Variants in LDLRAD3 observed in about 807,000 individuals in gnomAD.
LDLRAD3 encodes the protein low-density lipoprotein receptor class A domain-containing protein 3.
Under a neutral mutation model 29.4 loss-of-function variants are expected in LDLRAD3, and 20 were observed. The ratio of observed to expected loss-of-function variants is 0.68; its 90% confidence interval spans 0.48 to 0.99. The LOEUF is 0.99. Among genes scored for constraint, LDLRAD3 ranks in the 50% least tolerant of loss-of-function variants. LDLRAD3 has a pLI of 0.00. For synonymous variants in LDLRAD3, 157 were observed against 192.7 expected, an observed-to-expected ratio of 0.81 and a Z score of 1.53; for missense variants, 420 against 454.3, an observed-to-expected ratio of 0.92 and a Z score of 0.69.
intron 4 of LDLRAD3, among the ~76,000 whole-genome samples, chr11:36,132,620 G>C (rs1246010141): frequency 6.6e-6 from 1 of 152,200 alleles, no homozygotes; most frequent in Non-Finnish European, 1.5e-5. Context: ...AAATTGTTCA[G>C]GACTCAGAAG....
intron 2 of LDLRAD3, among the ~76,000 whole-genome samples, chr11:36,071,379 C>A (rs184051826): frequency 2.0e-5 from 3 of 152,266 alleles, no homozygotes; most frequent in East Asian, 3.9e-4. Flanking sequence ...GTAAAGCATG[C>A]ATGTCCTTTG....
At chr11:36,017,647 G>T (rs1852040580) in intron 1 of LDLRAD3, among the ~76,000 whole-genome samples, 1 of 151,162 alleles carries the variant, frequency 6.6e-6, no homozygotes, top group African/African-American at 2.4e-5. Flanking sequence ...GAGTGCCTCA[G>T]CCTCCCGAGT....
chr11:36,064,308 TA>T (rs1340152728), intron 2 of LDLRAD3, among the ~76,000 whole-genome samples: 1 of 152,002 alleles, frequency 6.6e-6, no homozygotes, highest in Non-Finnish European at 1.5e-5. Flanking sequence ...TAGTTTTTTT[TA>T]AAAAATTTTT....
At chr11:36,093,533 T>C (rs1269175481) in intron 3 of LDLRAD3, among the ~76,000 whole-genome samples, 3 of 152,122 alleles carry the variant, frequency 2.0e-5, no homozygotes, top group Non-Finnish European at 4.4e-5. Flanking sequence ...GTACATAGCC[T>C]ACTACTGACA....
rs138536951 is a variant in LDLRAD3, at chr11:36,147,463, A to T, written c.454+49002A>T. Among the ~76,000 whole-genome samples, 311 of 152,298 alleles carry T rather than the reference A, an allele frequency of 2.0e-3. 1 individual carries two copies. Among genetic ancestry groups the T allele is most frequent in the Non-Finnish European group, 3.7e-3 (255 of 68,022 alleles). ...GACACCAGTCATTTGACTTAGGGTCAAGTCTAAATGCAAGATGATCTCATC... is the reference window on the plus strand; with the variant it reads ...GACACCAGTCATTTGACTTAGGGTCTAGTCTAAATGCAAGATGATCTCATC... On this transcript the variant is annotated intron_variant, in intron 4 of 5. Transcript: ENST00000315571.
intron 1 of LDLRAD3, among the ~76,000 whole-genome samples, chr11:35,964,279 G>T (rs1407431946): frequency 6.6e-6 from 1 of 152,204 alleles, no homozygotes; most frequent in East Asian, 1.9e-4. Context: ...ATCCCCTCAA[G>T]ATCCCTATGA....
rs74835475 is a variant in LDLRAD3 at position 36,099,847 on chromosome 11, A to T, written c.454+1386A>T. Among the ~76,000 whole-genome samples the T allele has an allele frequency of 6.0e-3, 917 of 152,308 alleles. 8 individuals are homozygous for T. Among genetic ancestry groups the T allele is most frequent in the African/African-American group, 0.021 (869 of 41,568 alleles). ...AAAGACAAAATGTGTATTGGCATAG[A>T]CTTTGCCAAGATTTGTGCAGAGAAC... is the stretch of plus-strand genomic sequence containing the variant. On this transcript the variant is annotated intron_variant, in intron 4 of 5. Coordinates refer to ENST00000315571, the MANE Select transcript of LDLRAD3 (RefSeq NM_174902.4).
At chr11:35,987,502 C>T (rs1851629668) in intron 1 of LDLRAD3, among the ~76,000 whole-genome samples, 1 of 152,198 alleles carries the variant, frequency 6.6e-6, no homozygotes, top group South Asian at 2.1e-4. Flanking sequence ...TAAATGAGAA[C>T]ATACGGTATT....
intron 1 of LDLRAD3, among the ~76,000 whole-genome samples, chr11:36,024,750 T>C (rs1852141764): frequency 6.6e-6 from 1 of 152,232 alleles, no homozygotes; most frequent in Non-Finnish European, 1.5e-5. Flanking sequence ...AGTCACAGCC[T>C]TGGCTATCCT....
intron 2 of LDLRAD3, among the ~76,000 whole-genome samples, chr11:36,074,343 G>T (rs1363558428): frequency 6.6e-6 from 1 of 152,202 alleles, no homozygotes; most frequent in South Asian, 2.1e-4. Context: ...AGCGACTAAG[G>T]GTGGGAGTGT....
At chr11:36,111,544 C>T (rs1223081332) in intron 4 of LDLRAD3, among the ~76,000 whole-genome samples, 1 of 151,906 alleles carries the variant, frequency 6.6e-6, no homozygotes, top group Non-Finnish European at 1.5e-5. Flanking sequence ...TTTCTTGTTT[C>T]CACCTTGTTT....
chr11:36,123,011 A>G (rs909031235), intron 4 of LDLRAD3, among the ~76,000 whole-genome samples: 11 of 152,038 alleles, frequency 7.2e-5, no homozygotes, highest in Non-Finnish European at 1.0e-4. Flanking sequence ...CCTTGTCTCT[A>G]CAACAACAAC....
chr11:36,138,200 G>C (rs1854030029), intron 4 of LDLRAD3, among the ~76,000 whole-genome samples: 1 of 152,192 alleles, frequency 6.6e-6, no homozygotes, highest in African/African-American at 2.4e-5. Context: ...TTCAAATCCT[G>C]ACTCTCACCT....
At chr11:36,024,877 G>C (rs1470519607) in intron 1 of LDLRAD3, among the ~76,000 whole-genome samples, 1 of 152,204 alleles carries the variant, frequency 6.6e-6, no homozygotes, top group Non-Finnish European at 1.5e-5. Flanking sequence ...TCCTCACCCT[G>C]ACTTCTTAGG....
intron 5 of LDLRAD3, among the ~76,000 whole-genome samples, chr11:36,228,493 G>A (rs936644517): frequency 3.9e-5 from 6 of 152,198 alleles, no homozygotes; most frequent in African/African-American, 9.7e-5. Flanking sequence ...GACATTGAAT[G>A]TCCCTGTGCC....
At chr11:36,014,264 G>C (rs904269614) in intron 1 of LDLRAD3, among the ~76,000 whole-genome samples, 1 of 152,242 alleles carries the variant, frequency 6.6e-6, no homozygotes, top group African/African-American at 2.4e-5. Context: ...GGGAACACAA[G>C]AAGCTGATCT....
At chr11:36,219,561 C>G (rs1855400491) in intron 4 of LDLRAD3, among the ~76,000 whole-genome samples, 1 of 152,124 alleles carries the variant, frequency 6.6e-6, no homozygotes, top group Non-Finnish European at 1.5e-5. Context: ...AGAGGATAGG[C>G]TTTTCAACAA....
At position 36,156,910 on chromosome 11, in the gene LDLRAD3, C is replaced by T. The variant is rs186533443; in HGVS notation, c.454+58449C>T. On this transcript the variant is annotated intron_variant, in intron 4 of 5. Transcript: ENST00000315571. ...GTGTGTATGTCAGTCACTGCCTTTT[C>T]GGATCTGGTTGAAAAGCTGCAAATA... is the stretch of plus-strand genomic sequence containing the variant. Among the ~76,000 whole-genome samples, 32 of 152,274 alleles carry T rather than the reference C, an allele frequency of 2.1e-4. No homozygotes were observed. In the East Asian group the frequency reaches 5.2e-3, roughly 25 times the overall value.
intron 4 of LDLRAD3, among the ~76,000 whole-genome samples, chr11:36,100,682 C>T (rs993167495): frequency 6.6e-6 from 1 of 152,208 alleles, no homozygotes; most frequent in Admixed American, 6.5e-5. Flanking sequence ...TGTGATCTGC[C>T]TGCCTCAGCC....
Sources: gnomAD v4.1 joint callset for allele counts (sites outside exome capture counted in the v4.1 genomes callset) on GRCh38, gnomAD v4.1.1 for gene constraint, MANE v1.5 for transcripts, NCBI Gene and HGNC (gene_info 2026-07-23, HGNC 2026-07-21) for gene names.